Variants in PTPN12 observed in about 807,000 individuals in gnomAD.
PTPN12 encodes the protein tyrosine-protein phosphatase non-receptor type 12.
PTPN12 carries 29 observed loss-of-function variants against 97.6 expected under a neutral mutation model. The observed-to-expected ratio is 0.30, with a 90% confidence interval of 0.22 to 0.41. The LOEUF is 0.41. Among genes scored for constraint, PTPN12 ranks in the 10% least tolerant of loss-of-function variants. The probability of loss-of-function intolerance (pLI) is 1.00; values close to 1 mark genes in which losing one functional copy is unlikely to be tolerated. For missense variants in PTPN12, 819 were observed against 926.0 expected (o/e 0.88, Z 1.50); for synonymous variants, 327 against 300.4 (o/e 1.09, Z -0.91).
At chr7:77,610,590 A>G (rs1242124777) in intron 9 of PTPN12, among the ~76,000 whole-genome samples, 175 bp from the exon 10 acceptor site, 1 of 152,226 alleles carries the variant, frequency 6.6e-6, no homozygotes, top group Non-Finnish European at 1.5e-5. Flanking sequence ...GCTGAGGGTC[A>G]AGAACAGTTT....
intron 15 of PTPN12, among the ~76,000 whole-genome samples, chr7:77,636,601 A>G (rs1041406757): frequency 1.3e-5 from 2 of 152,196 alleles, no homozygotes; most frequent in East Asian, 3.8e-4. Context: ...ACATTTGTCC[A>G]TAGGAGATAA....
chr7:77,599,080 A>T (rs769428893), intron 7 of PTPN12, among the ~76,000 whole-genome samples: 6 of 151,556 alleles, frequency 4.0e-5, no homozygotes, highest in Non-Finnish European at 5.9e-5. Context: ...TGCTTATCAC[A>T]TTACATAAAA....
chr7:77,616,474 T>A (rs1788755102), intron 11 of PTPN12, among the ~76,000 whole-genome samples: 1 of 152,220 alleles, frequency 6.6e-6, no homozygotes, highest in East Asian at 1.9e-4. Flanking sequence ...TCACTAGATG[T>A]CCACATTGCC....
rs1278492457 is a variant in PTPN12 at position 77,606,499 on chromosome 7, C to T, written c.696-736C>T. Among the ~76,000 whole-genome samples, 4 of 151,744 alleles carry T rather than the reference C, an allele frequency of 2.6e-5. No homozygotes were observed. The East Asian group carries it at 7.8e-4, about 30-fold the overall frequency. ...GCAGCCTCGACCTCCCAGGCTCAAG[C>T]AATCCTTCTGCCTTGGCCTCCCAAA... On this transcript the variant is annotated intron_variant, in intron 8 of 17. Transcript: ENST00000248594.
At chr7:77,540,328 C>T (rs1358717113) in intron 1 of PTPN12, among the ~76,000 whole-genome samples, 1 of 151,330 alleles carries the variant, frequency 6.6e-6, no homozygotes, top group African/African-American at 2.4e-5. Context: ...TCCTCCACCT[C>T]CCAGGTTCAA....
chr7:77,577,939 T>C (rs950565770), intron 2 of PTPN12, among the ~76,000 whole-genome samples: 4 of 152,240 alleles, frequency 2.6e-5, no homozygotes, highest in African/African-American at 7.2e-5. Context: ...ATGTTGATAA[T>C]GAAGCTGGGT....
chr7:77,599,555 A>T (rs1788128601), intron 7 of PTPN12, among the ~76,000 whole-genome samples: 1 of 152,098 alleles, frequency 6.6e-6, no homozygotes, highest in Non-Finnish European at 1.5e-5. Context: ...TGGCCACCCA[A>T]AGTGTTGGGA....
intron 2 of PTPN12, among the ~76,000 whole-genome samples, chr7:77,579,810 A>C (rs968491072): frequency 6.6e-6 from 1 of 152,228 alleles, no homozygotes; most frequent in Non-Finnish European, 1.5e-5. Flanking sequence ...TGGTTTATGG[A>C]AAAAGAAGTA....
At chr7:77,584,534 A>T (rs1351725444) in intron 4 of PTPN12, among the ~76,000 whole-genome samples, 2 of 152,158 alleles carry the variant, frequency 1.3e-5, no homozygotes, top group Non-Finnish European at 2.9e-5. Flanking sequence ...GCATTTCATT[A>T]TATGTAAAAT....
chr7:77,624,138 A>C (rs1478699635), intron 12 of PTPN12, among the ~76,000 whole-genome samples: 2 of 152,012 alleles, frequency 1.3e-5, no homozygotes, highest in Non-Finnish European at 2.9e-5. Context: ...GTGGTAGTGC[A>C]CACCTGTAGT....
chr7:77,561,147 C>A (rs1266989186), intron 1 of PTPN12, among the ~76,000 whole-genome samples: 1 of 152,096 alleles, frequency 6.6e-6, no homozygotes, highest in African/African-American at 2.4e-5. Flanking sequence ...TCTTGAACTC[C>A]TCAAGTGGCA....
At chr7:77,585,496 G>A (rs774703699) in intron 4 of PTPN12, 47 bp from the exon 5 acceptor site, 18 of 1,519,162 alleles carry the variant, frequency 1.2e-5, no homozygotes, top group Non-Finnish European at 1.6e-5. Flanking sequence ...GTAAAATTGT[G>A]TTTAACTGAT....
At position 77,580,062 on chromosome 7, in the gene PTPN12, A is replaced by G. The variant is rs554583028; in HGVS notation, c.209-1365A>G. On this transcript the variant is annotated intron_variant, in intron 2 of 17. Coordinates refer to ENST00000248594, the MANE Select transcript of PTPN12 (RefSeq NM_002835.4). ...AACAGCTATATATACATTAGTGTTC[A>G]TTGTAGTAATGTTTTTAATAGGAAA... Among the ~76,000 whole-genome samples, 11 of 152,338 alleles carry G rather than the reference A, an allele frequency of 7.2e-5. No homozygotes were observed. The East Asian group carries it at 2.1e-3, about 29-fold the overall frequency.
intron 1 of PTPN12, among the ~76,000 whole-genome samples, chr7:77,550,210 G>A (rs1163443351): frequency 6.6e-6 from 1 of 152,148 alleles, no homozygotes; most frequent in South Asian, 2.1e-4. Context: ...TTATTAATGT[G>A]TGTTAACGTG....
At chr7:77,567,497 C>T (rs989758982) in intron 1 of PTPN12, among the ~76,000 whole-genome samples, 2 of 152,090 alleles carry the variant, frequency 1.3e-5, no homozygotes, top group African/African-American at 4.8e-5. Flanking sequence ...AAAAAGCATA[C>T]ACAAAGACAC....
intron 1 of PTPN12, among the ~76,000 whole-genome samples, chr7:77,557,320 A>G (rs560721741): frequency 6.6e-6 from 1 of 152,236 alleles, no homozygotes; most frequent in East Asian, 1.9e-4. Flanking sequence ...CTAGCAGTTC[A>G]TCAATTACAG....
intron 13 of PTPN12, among the ~76,000 whole-genome samples, chr7:77,628,682 C>T (rs11767186): frequency 0.26 from 39,726 of 151,012 alleles, 5,313 homozygotes; most frequent in Non-Finnish European, 0.28. Context: ...GGATTACAGG[C>T]ACCCACTACC....
intron 7 of PTPN12, among the ~76,000 whole-genome samples, chr7:77,598,864 G>GT (rs1475404814): frequency 1.3e-5 from 2 of 149,888 alleles, no homozygotes; most frequent in Non-Finnish European, 3.0e-5. Context: ...ATAGTTTTTT[G>GT]TAAGTAAAAA....
rs368028431 is a variant in PTPN12, at chr7:77,627,163, G to T, written c.1484G>T (p.Cys495Phe). 2 of 1,614,132 alleles carry T rather than the reference G, an allele frequency of 1.2e-6. No individual in the cohort carries two copies. The highest frequency in any genetic ancestry group is 1.1e-5 in the South Asian group (1 of 91,084). ...LNVGDTSQNS[C>F]VDCSVTQSNK... ...GTCGGTGATACTTCCCAGAATTCTT[G>T]TGTGGACTGCAGTGTAACACAATCA... The change falls in exon 13 of 18, where the codon TGT (cysteine) becomes TTT (phenylalanine). Residue 495 changes from cysteine to phenylalanine, a missense_variant. Physicochemically the swap from Cys to Phe is radical, Grantham distance 205. Transcript: ENST00000248594.
Sources: allele counts gnomAD v4.1 joint callset (sites outside exome capture counted in the v4.1 genomes callset), GRCh38; gene constraint gnomAD v4.1.1; transcripts MANE v1.5; gene names NCBI Gene and HGNC (gene_info 2026-07-23, HGNC 2026-07-21).